Variants in MAGI1 observed in about 807,000 individuals in gnomAD.
MAGI1 encodes the protein membrane associated guanylate kinase, WW and PDZ domain containing 1.
In MAGI1, 58 loss-of-function variants were observed where a neutral mutation model predicts 139.9. The ratio of observed to expected loss-of-function variants is 0.41; its 90% CI spans 0.34 to 0.52. MAGI1 has a LOEUF of 0.52. Ranked by LOEUF, MAGI1 falls within the 20% of genes least tolerant of loss-of-function variation. The probability of loss-of-function intolerance (pLI) is 0.12; values close to 1 mark genes in which losing one functional copy is unlikely to be tolerated. For synonymous variants in MAGI1, 812 were observed against 737.9 expected (o/e 1.10, Z -1.63); for missense variants, 1,874 against 1,901.6 (o/e 0.99, Z 0.27).
intron 2 of MAGI1, among the ~76,000 whole-genome samples, chr3:65,563,130 T>A (rs1370181193): frequency 6.6e-6 from 1 of 152,244 alleles, no homozygotes; most frequent in Non-Finnish European, 1.5e-5. Context: ...GCAAGAGAAC[T>A]TTATTAAGTT....
At chr3:65,435,867 AG>A (rs373666420) in intron 10 of MAGI1, among the ~76,000 whole-genome samples, 61 of 152,282 alleles carry the variant, frequency 4.0e-4, no homozygotes, top group African/African-American at 1.4e-3. Flanking sequence ...GCCTCTGCAA[AG>A]GCTCAGAAGC....
At chr3:66,000,857 T>C (rs1576418391) in intron 1 of MAGI1, among the ~76,000 whole-genome samples, 1 of 152,338 alleles carries the variant, frequency 6.6e-6, no homozygotes, top group Non-Finnish European at 1.5e-5. Flanking sequence ...TGAAAACCCA[T>C]GGCAGGCCAG....
chr3:65,821,666 T>A lies in MAGI1; in HGVS notation c.314-199578A>T, dbSNP rs1429682000. 2.0e-5 allele frequency among the ~76,000 whole-genome samples: 3 copies of A among 152,104 alleles called. No homozygotes were observed. The East Asian group carries it at 5.8e-4, about 29-fold the overall frequency. ...CAGCTATTATGACAAAGCACAGAAA[T>A]CACTCCGAACCTACAGCCAATGTCA... On this transcript the variant is annotated intron_variant, in intron 1 of 22. Coordinates refer to ENST00000402939, the MANE Select transcript of MAGI1 (RefSeq NM_001033057.2).
At chr3:65,743,891 A>G (rs1413504200) in intron 1 of MAGI1, among the ~76,000 whole-genome samples, 1 of 152,110 alleles carries the variant, frequency 6.6e-6, no homozygotes, top group East Asian at 1.9e-4. Context: ...AAATTAATTT[A>G]CACATAAAGA....
chr3:65,454,562 A>T (rs1001509024), intron 5 of MAGI1, among the ~76,000 whole-genome samples: 1 of 148,412 alleles, frequency 6.7e-6, no homozygotes, highest in African/African-American at 2.5e-5. Flanking sequence ...TAATAAAAAA[A>T]TACTTGTTTT....
At chr3:65,923,467 C>T (rs573166388) in intron 1 of MAGI1, among the ~76,000 whole-genome samples, 14 of 152,080 alleles carry the variant, frequency 9.2e-5, no homozygotes, top group African/African-American at 2.2e-4. Flanking sequence ...CCTCATGATC[C>T]GCCCACCTCG....
chr3:65,668,394 T>C (rs2086654424), intron 1 of MAGI1, among the ~76,000 whole-genome samples: 1 of 152,114 alleles, frequency 6.6e-6, no homozygotes, highest in African/African-American at 2.4e-5. Flanking sequence ...GAGCCAGGTG[T>C]TAAACATTTA....
chr3:66,000,118 G>A (rs553787162), intron 1 of MAGI1, among the ~76,000 whole-genome samples: 14 of 151,752 alleles, frequency 9.2e-5, no homozygotes, highest in South Asian at 4.2e-4. Flanking sequence ...GACTACAGGC[G>A]CCCGCTACCA....
chr3:66,001,186 C>T (rs1307467505), intron 1 of MAGI1, among the ~76,000 whole-genome samples: 2 of 152,010 alleles, frequency 1.3e-5, no homozygotes, highest in East Asian at 3.9e-4. Flanking sequence ...GGTATTTGAG[C>T]TCAGTCTTGA....
chr3:65,945,893 C>T lies in MAGI1; in HGVS notation c.313+92103G>A, dbSNP rs146840995. ...CAATCCCTGTTCTAGGTGCTAGAGA[C>T]AGAGCAGTGGCTAAAGGCACACTTG... On this transcript the variant is annotated intron_variant, in intron 1 of 22. Transcript: ENST00000402939. 3.0e-3 allele frequency among the ~76,000 whole-genome samples: 451 copies of T among 152,244 alleles called. 3 individuals carry two copies. The highest frequency in any genetic ancestry group is 9.8e-3 in the African/African-American group (405 of 41,530).
At chr3:66,012,011 T>C (rs1030091545) in intron 1 of MAGI1, among the ~76,000 whole-genome samples, 1 of 152,144 alleles carries the variant, frequency 6.6e-6, no homozygotes, top group East Asian at 1.9e-4. Flanking sequence ...TACTTCCTTT[T>C]TCCTTAGCTG....
intron 1 of MAGI1, among the ~76,000 whole-genome samples, chr3:65,688,810 T>G (rs2088304637): frequency 6.6e-6 from 1 of 152,218 alleles, no homozygotes; most frequent in Non-Finnish European, 1.5e-5. Context: ...CAGGATGAAT[T>G]ATCTATTCAT....
At chr3:65,507,504 G>C (rs72893007) in intron 2 of MAGI1, among the ~76,000 whole-genome samples, 3,977 of 152,268 alleles carry the variant, frequency 0.026, 157 homozygotes, top group African/African-American at 0.09. Flanking sequence ...TGGGACTCTG[G>C]TGTTGTTCGT....
At chr3:65,435,086 C>T (rs1196847486) in intron 10 of MAGI1, among the ~76,000 whole-genome samples, 1 of 152,160 alleles carries the variant, frequency 6.6e-6, no homozygotes, top group African/African-American at 2.4e-5. Flanking sequence ...CTCGATCTGC[C>T]AGCACTTTGA....
chr3:65,649,596 G>C (rs2085469683), intron 1 of MAGI1, among the ~76,000 whole-genome samples: 1 of 151,966 alleles, frequency 6.6e-6, no homozygotes, highest in Non-Finnish European at 1.5e-5. Flanking sequence ...ATCTAACAAA[G>C]GATTAGTGTC....
rs900552805 is a variant in MAGI1 at position 65,973,185 on chromosome 3, TAAATA to T, written c.313+64806_313+64810del. Among the ~76,000 whole-genome samples, 28 of 152,084 alleles carry T rather than the reference TAAATA, an allele frequency of 1.8e-4. 1 individual carries two copies. Among genetic ancestry groups the T allele is most frequent in the African/African-American group, 4.6e-4 (19 of 41,500 alleles). On this transcript the variant is annotated intron_variant, in intron 1 of 22. Coordinates refer to ENST00000402939, the MANE Select transcript of MAGI1 (RefSeq NM_001033057.2). ...AAATAAAATAAAATATAAAATAAAATAAATAAAAGGCAATTTGTTCTCCTCTCAGC... is the reference window on the plus strand; with the variant it reads ...AAATAAAATAAAATATAAAATAAAATAAAGGCAATTTGTTCTCCTCTCAGC...
At chr3:65,553,421 A>T (rs12630914) in intron 2 of MAGI1, among the ~76,000 whole-genome samples, 56,537 of 151,660 alleles carry the variant, frequency 0.37, 11,906 homozygotes, top group East Asian at 0.62. Flanking sequence ...TGAAAAAAAA[A>T]TTTTTTTAAT....
chr3:65,359,713 CTG>C lies in MAGI1; in HGVS notation c.3634+1484_3634+1485del, dbSNP rs113338007. 7,807 of 985,952 alleles carry C rather than the reference CTG, an allele frequency of 7.9e-3. 206 individuals are homozygous for C. The highest frequency in any genetic ancestry group is 0.078 in the African/African-American group (4,469 of 57,316). The allele number at this position is 985,952 out of a possible 1,614,324, so 61.1% of individuals were successfully genotyped here. ...ATGGAGACATTACAGTAGCACAACC[CTG>C]TGGCAGGTTCAACCCTTCTTGGAAA... On this transcript the variant is annotated intron_variant, in intron 22 of 22. Transcript: ENST00000402939.
intron 1 of MAGI1, among the ~76,000 whole-genome samples, chr3:65,773,847 A>G (rs1189916580): frequency 2.0e-5 from 3 of 152,128 alleles, no homozygotes; most frequent in Non-Finnish European, 4.4e-5. Flanking sequence ...TTAATTCGAT[A>G]TAAAGATTAA....
Sources: allele counts gnomAD v4.1 joint callset (sites outside exome capture counted in the v4.1 genomes callset), GRCh38; gene constraint gnomAD v4.1.1; transcripts MANE v1.5; gene names NCBI Gene and HGNC (gene_info 2026-07-23, HGNC 2026-07-21).